RPTOR: variants seen among roughly 807,000 people sequenced by gnomAD.
RPTOR encodes the protein regulatory-associated protein of mTOR.
A neutral mutation model predicts 169.9 loss-of-function variants in RPTOR; 21 were observed. That is an observed-to-expected ratio of 0.12 (90% CI 0.09 to 0.18). The LOEUF (loss-of-function observed/expected upper bound fraction) is 0.18. Ranked by LOEUF, RPTOR falls within the 10% of genes least tolerant of loss-of-function variation. The pLI, the probability that RPTOR is intolerant of heterozygous loss-of-function variation, is 1.00. For missense variants in RPTOR, 1,133 were observed against 1,855.9 expected, an observed-to-expected ratio of 0.61 and a Z score of 7.16; for synonymous variants, 732 against 753.2, an observed-to-expected ratio of 0.97 and a Z score of 0.46.
intron 3 of RPTOR, among the ~76,000 whole-genome samples, chr17:80,658,143 TGG>T (rs1248736823): frequency 9.2e-5 from 14 of 152,226 alleles, no homozygotes; most frequent in Non-Finnish European, 1.6e-4. Context: ...AGTTTCTATG[TGG>T]ATTTTAAACC....
chr17:80,629,651 G>A (rs745616332), intron 2 of RPTOR, among the ~76,000 whole-genome samples: 2 of 148,558 alleles, frequency 1.3e-5, no homozygotes, highest in Non-Finnish European at 3.0e-5. Context: ...GCTCTTCCGT[G>A]TGTCTCTCTC....
chr17:80,892,658 C>G (rs2068340864), intron 18 of RPTOR, 71 bp from the exon 19 acceptor site: 12 of 1,551,384 alleles, frequency 7.7e-6, no homozygotes, highest in Non-Finnish European at 9.7e-6. Context: ...GTCCCAGCTG[C>G]TGAGTGTCAG....
At chr17:80,606,352 A>G (rs1372351953) in intron 1 of RPTOR, among the ~76,000 whole-genome samples, 1 of 136,016 alleles carries the variant, frequency 7.4e-6, no homozygotes, top group African/African-American at 2.8e-5. Flanking sequence ...CTGAGACTCC[A>G]GGAGTGGTCT....
At chr17:80,715,059 G>A (rs2143131004) in intron 4 of RPTOR, among the ~76,000 whole-genome samples, 1 of 152,312 alleles carries the variant, frequency 6.6e-6, no homozygotes, top group African/African-American at 2.4e-5. Context: ...AACAGAAAAT[G>A]CTGAGCAAAT....
At chr17:80,902,339 G>C (rs768693891) in intron 20 of RPTOR, among the ~76,000 whole-genome samples, 4 of 152,204 alleles carry the variant, frequency 2.6e-5, no homozygotes, top group Non-Finnish European at 4.4e-5. Context: ...AGCAGCAGCC[G>C]CTCCACTGCA....
chr17:80,850,476 C>CT (rs1397298218), intron 11 of RPTOR, among the ~76,000 whole-genome samples: 2 of 152,322 alleles, frequency 1.3e-5, no homozygotes, highest in Non-Finnish European at 2.9e-5. Context: ...GTGATCTCGG[C>CT]TCACTGCAGC....
intron 21 of RPTOR, among the ~76,000 whole-genome samples, chr17:80,916,313 G>A (rs752600652): frequency 6.6e-6 from 1 of 152,298 alleles, no homozygotes; most frequent in African/African-American, 2.4e-5. Flanking sequence ...GTGCCACCAC[G>A]TTCCCCAGTG....
chr17:80,898,466 CT>C, intron 20 of RPTOR, among the ~76,000 whole-genome samples: 1 of 152,258 alleles, frequency 6.6e-6, no homozygotes, highest in South Asian at 2.1e-4. Context: ...ATTATTTTAT[CT>C]TTATTTTTCT....
chr17:80,744,919 C>CCCTGGCTACTAGCACTGT (rs2066554434), intron 5 of RPTOR, among the ~76,000 whole-genome samples: 1 of 137,590 alleles, frequency 7.3e-6, no homozygotes, highest in African/African-American at 2.6e-5. Flanking sequence ...ACTAGCACAG[C>CCCTGGCTACTAGCACTGT]CCTGGTTACT....
At chr17:80,786,272 G>A (rs1202994922) in intron 6 of RPTOR, among the ~76,000 whole-genome samples, 3 of 152,108 alleles carry the variant, frequency 2.0e-5, no homozygotes, top group African/African-American at 7.2e-5. Flanking sequence ...AAAATGCTAA[G>A]CTATCTCAAC....
At position 80,699,758 on chromosome 17, in the gene RPTOR, G is replaced by A. The variant is rs35526916; in HGVS notation, c.349-8083G>A. On this transcript the variant is annotated intron_variant, in intron 3 of 33. Transcript: ENST00000306801. ...ATGGGGAGCTAGAGGTGCTGTGCAC[G>A]GTGCCCTGGTGCAGTGATGGGGAGC... 3.8e-3 allele frequency among the ~76,000 whole-genome samples: 378 copies of A among 100,494 alleles called. 20 individuals carry two copies. Among genetic ancestry groups the A allele is most frequent in the African/African-American group, 0.011 (211 of 18,542 alleles). The allele number at this position is 100,494 out of a possible 152,430, so 65.9% of individuals were successfully genotyped here.
At chr17:80,871,248 G>GGCGCCCGCCACC (rs1643887147) in intron 13 of RPTOR, among the ~76,000 whole-genome samples, 1 of 152,148 alleles carries the variant, frequency 6.6e-6, no homozygotes, top group African/African-American at 2.4e-5. Context: ...TGGGATTATA[G>GGCGCCCGCCACC]GCGCCCGCCA....
chr17:80,887,600 C>G (rs1340983417), intron 17 of RPTOR, among the ~76,000 whole-genome samples: 1 of 152,182 alleles, frequency 6.6e-6, no homozygotes, highest in Non-Finnish European at 1.5e-5. Flanking sequence ...CGTCCTGAGC[C>G]TGCTGTGGGG....
At chr17:80,809,305 C>T (rs1471187203) in intron 7 of RPTOR, among the ~76,000 whole-genome samples, 1 of 152,190 alleles carries the variant, frequency 6.6e-6, no homozygotes, top group Non-Finnish European at 1.5e-5. Context: ...AATTCTCGTG[C>T]CTTAGCCTGT....
intron 6 of RPTOR, among the ~76,000 whole-genome samples, chr17:80,788,693 T>C (rs1307132347): frequency 2.0e-5 from 3 of 152,192 alleles, no homozygotes; most frequent in Non-Finnish European, 4.4e-5. Flanking sequence ...TCTTCCTCTG[T>C]ATATCATAAG....
intron 2 of RPTOR, among the ~76,000 whole-genome samples, chr17:80,628,130 G>A (rs2065410504): frequency 2.0e-5 from 3 of 152,168 alleles, no homozygotes; most frequent in Admixed American, 2.0e-4. Flanking sequence ...GAGCCACCGT[G>A]CCTGGCCAAG....
At chr17:80,570,262 A>G (rs1167552406) in intron 1 of RPTOR, among the ~76,000 whole-genome samples, 1 of 151,716 alleles carries the variant, frequency 6.6e-6, no homozygotes, top group Admixed American at 6.6e-5. Flanking sequence ...TGTTTTATGT[A>G]TTGTGTTCAG....
intron 6 of RPTOR, among the ~76,000 whole-genome samples, chr17:80,759,680 T>A (rs193092976): frequency 1.4e-5 from 2 of 143,010 alleles, no homozygotes; most frequent in Non-Finnish European, 3.1e-5. Context: ...ACCACCAGGG[T>A]TTTTTTTTTT....
At chr17:80,657,035 G>A (rs1033440884) in intron 3 of RPTOR, among the ~76,000 whole-genome samples, 10 of 152,190 alleles carry the variant, frequency 6.6e-5, no homozygotes, top group African/African-American at 1.4e-4. Context: ...TCAGCGTTTC[G>A]TCATTTGAAG....
Sources: gnomAD v4.1 joint callset for allele counts (sites outside exome capture counted in the v4.1 genomes callset) on GRCh38, gnomAD v4.1.1 for gene constraint, MANE v1.5 for transcripts, NCBI Gene and HGNC (gene_info 2026-07-23, HGNC 2026-07-21) for gene names.